ARAP1: variants seen among roughly 807,000 people sequenced by gnomAD.
ARAP1 encodes ArfGAP with RhoGAP domain, ankyrin repeat and PH domain 1, also known as arf-GAP with Rho-GAP domain, ANK repeat and PH domain-containing protein 1.
ARAP1 carries 76 observed loss-of-function variants against 172.2 expected under a neutral mutation model. The observed-to-expected ratio is 0.44, with a 90% CI of 0.37 to 0.53. The LOEUF (loss-of-function observed/expected upper bound fraction) is 0.53, where lower values mean the gene tolerates loss of function less well. ARAP1 is among the 20% of genes least tolerant of loss of function. ARAP1 has a pLI of 0.00. For synonymous variants in ARAP1, 804 were observed against 803.3 expected (o/e 1.00, Z -0.01); for missense variants, 1,686 against 1,977.5 (o/e 0.85, Z 2.80).
intron 2 of ARAP1, among the ~76,000 whole-genome samples, chr11:72,727,919 G>C (rs1335683226): frequency 2.0e-5 from 3 of 152,212 alleles, no homozygotes; most frequent in African/African-American, 7.2e-5. Context: ...GTGATATGAA[G>C]AGGTGACCAA....
Position 72,693,673 on chromosome 11 carries a change from C to T in ARAP1, c.3808+19G>A, listed in dbSNP as rs968583446. On this transcript the variant is annotated intron_variant, in intron 28 of 34. Coordinates refer to ENST00000393609, the MANE Select transcript of ARAP1 (RefSeq NM_001040118.3). This position sits in a 1 kb window ranked among gnomAD's most constrained non-coding sequence, Gnocchi z 4.6. ...GAGAGGACCACCCGGAGCCTGGCCACCCTGCAGGCACCACCTACCCAGGTA... is the reference window on the plus strand; with the variant it reads ...GAGAGGACCACCCGGAGCCTGGCCATCCTGCAGGCACCACCTACCCAGGTA... The T allele has an allele frequency of 6.3e-7, 1 of 1,586,260 alleles. No individual in the cohort carries two copies. Among genetic ancestry groups the T allele is most frequent in the Non-Finnish European group, 8.6e-7 (1 of 1,165,508 alleles).
At chr11:72,696,862 G>C (rs1856218908) in intron 22 of ARAP1, 121 bp downstream of exon 22, 1 of 1,130,270 alleles carries the variant, frequency 8.8e-7, no homozygotes. Flanking sequence ...GAGAAGCAGA[G>C]GCAGGCAACT....
intron 13 of ARAP1, 182 bp from the exon 14 acceptor site, chr11:72,704,516 G>A: frequency 1.6e-6 from 1 of 636,890 alleles, no homozygotes; most frequent in East Asian, 2.9e-5. Context: ...CCTGCCACCA[G>A]CACTGGGCTC....
At chr11:72,744,043 C>T (rs1392884021) in intron 1 of ARAP1, among the ~76,000 whole-genome samples, 1 of 152,134 alleles carries the variant, frequency 6.6e-6, no homozygotes, top group African/African-American at 2.4e-5. Context: ...TTCCCTTTGC[C>T]TAGAACATCT....
chr11:72,687,423 A>G lies in ARAP1; in HGVS notation c.4185+16T>C, dbSNP rs771933081. The G allele has an allele frequency of 6.2e-7, 1 of 1,613,868 alleles. No individual in the cohort carries two copies. The highest frequency in any genetic ancestry group is 1.1e-5 in the South Asian group (1 of 91,082). ...TCCAGGGACCCACCCCACACCCCACACTCTGCACCTGGTACCTGCACAAAC... is the reference window on the plus strand; with the variant it reads ...TCCAGGGACCCACCCCACACCCCACGCTCTGCACCTGGTACCTGCACAAAC... On this transcript the variant is annotated intron_variant, in intron 33 of 34. Coordinates refer to ENST00000393609, the MANE Select transcript of ARAP1 (RefSeq NM_001040118.3).
At chr11:72,722,361 C>T in intron 3 of ARAP1, 1 of 985,526 alleles carries the variant, frequency 1.0e-6, no homozygotes, top group Non-Finnish European at 1.2e-6. Context: ...CGAAAAGTCA[C>T]CCAGAATCCC....
At chr11:72,737,124 T>C (rs1002514972) in intron 1 of ARAP1, among the ~76,000 whole-genome samples, 7 of 152,166 alleles carry the variant, frequency 4.6e-5, no homozygotes, top group African/African-American at 1.7e-4. Context: ...TGCTCTCTCT[T>C]TGGTTGCTTG....
chr11:72,699,326 T>C lies in ARAP1; in HGVS notation c.2438+91A>G, dbSNP rs1488057307. 2 of 1,573,112 alleles carry C rather than the reference T, an allele frequency of 1.3e-6. No individual in the cohort carries two copies. The highest frequency in any genetic ancestry group is 2.7e-5 in the African/African-American group (2 of 74,056). The stretch of plus-strand genomic sequence containing the variant: ...CGTTTGCTGTGTGACTCTGCGGAGG[T>C]CCTCCCCTTCTCTGGGTCTATTTCC... On this transcript the variant is annotated intron_variant, in intron 17 of 34. Transcript: ENST00000393609. The surrounding 1 kb of genome is among the most constrained non-coding windows in gnomAD (Gnocchi z 4.2).
chr11:72,732,866 C>G (rs915571517), intron 1 of ARAP1, among the ~76,000 whole-genome samples: 1 of 151,902 alleles, frequency 6.6e-6, no homozygotes, highest in Non-Finnish European at 1.5e-5. Context: ...GCCTGTAGTC[C>G]CAGGAACTCA....
At position 72,694,602 on chromosome 11, in the gene ARAP1, G is replaced by A. The variant is rs546195599; in HGVS notation, c.3694+378C>T. The stretch of plus-strand genomic sequence containing the variant: ...AGACTAATGCCTCCGTCCCACACCA[G>A]ACTAACCCCCACGAGGATAGGGACT... On this transcript the variant is annotated intron_variant, in intron 27 of 34. Transcript: ENST00000393609. Among the ~76,000 whole-genome samples, 19 of 152,220 alleles carry A rather than the reference G, an allele frequency of 1.2e-4. No homozygotes were observed. The East Asian group carries it at 3.5e-3, about 28-fold the overall frequency.
intron 12 of ARAP1, 126 bp downstream of exon 12, chr11:72,707,049 C>T (rs1856800507): frequency 9.8e-7 from 1 of 1,023,774 alleles, no homozygotes; most frequent in Admixed American, 3.0e-5. Flanking sequence ...GCAGGAGAAG[C>T]CTCATCAACA....
In ARAP1 at chr11:72,726,177, C is replaced by G. The variant is rs543228027; in HGVS notation, c.509+443G>C. 3.9e-5 allele frequency among the ~76,000 whole-genome samples: 6 copies of G among 152,218 alleles called. No homozygotes were observed. In the South Asian group the frequency reaches 1.2e-3, roughly 32 times the overall value. On this transcript the variant is annotated intron_variant, in intron 3 of 34. Transcript: ENST00000393609. The surrounding 1 kb of genome is among the most constrained non-coding windows in gnomAD (Gnocchi z 6.5). ...AAAGAGCACACCACCAGGACCTGGG[C>G]AGTCCCCTCACCCCCAACCCTACCC... is the stretch of plus-strand genomic sequence containing the variant.
rs750946102 is a variant in ARAP1 at position 72,714,197 on chromosome 11, G to A, written c.634C>T (p.Pro212Ser). The A allele has an allele frequency of 5.3e-6, 8 of 1,523,350 alleles. No individual in the cohort carries two copies. In the Admixed American group the frequency reaches 1.2e-4, roughly 23 times the overall value. 94.4% of individuals were successfully genotyped at this position (1,523,350 alleles called of 1,614,324 possible). The stretch of plus-strand genomic sequence containing the variant: ...ACCGGCTTTGGAGGTATCTCCGGGG[G>A]GCAGGGAGGTGGAGAGGGAGGCTGG... Reference protein sequence around the residue: ...PPQPPSPPPCPPEIPPKPVRL... With the variant: ...PPQPPSPPPCSPEIPPKPVRL... The change falls in exon 4 of 35, where the codon CCC becomes TCC. Residue 212 changes from proline to serine, a missense_variant. Physicochemically the swap from Pro to Ser is moderately conservative, Grantham distance 74. Transcript: ENST00000393609.
intron 1 of ARAP1, among the ~76,000 whole-genome samples, chr11:72,734,166 G>T (rs1330859359): frequency 6.6e-6 from 1 of 152,046 alleles, no homozygotes; most frequent in Non-Finnish European, 1.5e-5. Flanking sequence ...TGTTGCCCAG[G>T]CTGGAGTGTA....
At position 72,705,642 on chromosome 11, in the gene ARAP1, C is replaced by A. The variant is rs1043005065; in HGVS notation, c.1809+163G>T. 1.8e-5 allele frequency: 12 copies of A among 658,378 alleles called. No individual in the cohort carries two copies. In the African/African-American group the frequency reaches 1.8e-4, roughly 10 times the overall value. The allele number at this position is 658,378 out of a possible 1,614,324, so 40.8% of individuals were successfully genotyped here. A position where few individuals can be genotyped will look rare whatever the true frequency, so the allele number is the denominator to read the frequency against. ...TCACTGGCCAGTTTGCTGACTTTGC[C>A]AAAAATTGCTTTTCCGAAATCCCCA... On this transcript the variant is annotated intron_variant, in intron 13 of 34. Transcript: ENST00000393609.
chr11:72,689,633 A>G (rs1363152109), intron 30 of ARAP1: 2 of 152,074 alleles, frequency 1.3e-5, no homozygotes, highest in African/African-American at 4.8e-5. Flanking sequence ...ACTGGAGAAG[A>G]CCTCTGTGCT....
intron 2 of ARAP1, among the ~76,000 whole-genome samples, chr11:72,728,759 A>C (rs911329412): frequency 9.9e-5 from 15 of 152,238 alleles, no homozygotes; most frequent in Admixed American, 2.6e-4. Flanking sequence ...AGGAAGAAAA[A>C]TTGGGAGTGT....
intron 1 of ARAP1, among the ~76,000 whole-genome samples, chr11:72,740,050 C>A (rs938801883): frequency 3.3e-5 from 5 of 152,190 alleles, no homozygotes; most frequent in Non-Finnish European, 7.3e-5. Context: ...CCAGGTGGGG[C>A]CTTTAGGCAA....
chr11:72,689,868 C>G (rs1266241820), intron 30 of ARAP1, among the ~76,000 whole-genome samples: 1 of 151,950 alleles, frequency 6.6e-6, no homozygotes, highest in Non-Finnish European at 1.5e-5. Flanking sequence ...AGGCTTCGGA[C>G]ATGGAAGAAA....
Sources: allele counts gnomAD v4.1 joint callset (sites outside exome capture counted in the v4.1 genomes callset), GRCh38; gene constraint gnomAD v4.1.1; non-coding constraint Gnocchi (gnomAD v3.1); transcripts MANE v1.5; gene names NCBI Gene and HGNC (gene_info 2026-07-23, HGNC 2026-07-21).